PRKCQ: variants seen among roughly 807,000 people sequenced by gnomAD.
PRKCQ encodes protein kinase C theta.
Under a neutral mutation model 91.2 loss-of-function variants are expected in PRKCQ, and 41 were observed. The ratio of observed to expected loss-of-function variants is 0.45; its 90% CI spans 0.35 to 0.58. The LOEUF (loss-of-function observed/expected upper bound fraction) is 0.58, where lower values mean the gene tolerates loss of function less well. PRKCQ is among the 20% of genes least tolerant of loss of function. The probability of loss-of-function intolerance (pLI) is 0.00; values close to 1 mark genes in which losing one functional copy is unlikely to be tolerated. For missense variants in PRKCQ, 673 were observed against 896.5 expected (o/e 0.75, Z 3.18); for synonymous variants, 307 against 316.9 (o/e 0.97, Z 0.33).
At chr10:6,526,952 C>T (rs1022742852) in intron 1 of PRKCQ, among the ~76,000 whole-genome samples, 4 of 152,100 alleles carry the variant, frequency 2.6e-5, no homozygotes, top group Admixed American at 6.5e-5. Context: ...ACCCTGGCAG[C>T]GTGCAGGGAT....
chr10:6,448,622 T>C (rs4750466), intron 15 of PRKCQ, among the ~76,000 whole-genome samples: 15,953 of 152,098 alleles, frequency 0.1, 1,099 homozygotes, highest in Middle Eastern at 0.2. Flanking sequence ...TTAGCCACTA[T>C]GGTCTTGATC....
At chr10:6,492,925 C>T (rs1387872450) in intron 7 of PRKCQ, among the ~76,000 whole-genome samples, 3 of 152,196 alleles carry the variant, frequency 2.0e-5, no homozygotes, top group Admixed American at 6.5e-5. Flanking sequence ...TACTGGTCAG[C>T]GTTGGTTCTT....
chr10:6,441,357 G>T (rs1364866266), intron 16 of PRKCQ, among the ~76,000 whole-genome samples: 2 of 152,122 alleles, frequency 1.3e-5, no homozygotes, highest in Admixed American at 6.5e-5. Context: ...GGTCAGGCTG[G>T]TCTCAAACTC....
chr10:6,574,944 AC>A (rs1199827042), intron 1 of PRKCQ, among the ~76,000 whole-genome samples: 1 of 136,440 alleles, frequency 7.3e-6, no homozygotes, highest in Non-Finnish European at 1.6e-5. Context: ...TGCACATAAT[AC>A]CAAGTGTGTC....
chr10:6,525,348 C>T (rs1249073491), intron 1 of PRKCQ, among the ~76,000 whole-genome samples: 1 of 152,126 alleles, frequency 6.6e-6, no homozygotes, highest in Non-Finnish European at 1.5e-5. Flanking sequence ...GAGGCCAAGA[C>T]AGGCGGATCA....
intron 1 of PRKCQ, among the ~76,000 whole-genome samples, chr10:6,556,603 A>G (rs1840427994): frequency 6.6e-6 from 1 of 151,966 alleles, no homozygotes; most frequent in African/African-American, 2.4e-5. Context: ...AACGTTCTGG[A>G]AACAGTCATG....
chr10:6,498,186 T>A (rs1194040838), intron 5 of PRKCQ, among the ~76,000 whole-genome samples: 1 of 151,800 alleles, frequency 6.6e-6, no homozygotes, highest in Non-Finnish European at 1.5e-5. Context: ...CCCATGGGCA[T>A]TTTTCCTGAC....
At chr10:6,466,112 G>A (rs114329357) in intron 12 of PRKCQ, among the ~76,000 whole-genome samples, 1,592 of 152,392 alleles carry the variant, frequency 0.01, 29 homozygotes, top group African/African-American at 0.036. Context: ...AGAGCAAAGC[G>A]TATGAAAGTG....
intron 4 of PRKCQ, among the ~76,000 whole-genome samples, chr10:6,501,613 G>A (rs1411012736): frequency 1.3e-5 from 2 of 151,984 alleles, no homozygotes; most frequent in African/African-American, 4.8e-5. Flanking sequence ...CCTGAAGTCG[G>A]GAGTTTGAGA....
chr10:6,408,366 G>GT, the PRKCQ span, among the ~76,000 whole-genome samples: 14 of 151,586 alleles, frequency 9.2e-5, no homozygotes, highest in Non-Finnish European at 1.6e-4. Flanking sequence ...GCCACTTTTT[G>GT]TTTTTTTTGA....
intron 12 of PRKCQ, among the ~76,000 whole-genome samples, chr10:6,466,509 C>G (rs537983306): frequency 2.0e-5 from 3 of 152,190 alleles, no homozygotes; most frequent in African/African-American, 7.2e-5. Flanking sequence ...TTAACCCTCC[C>G]AAGAGAACTG....
At chr10:6,569,984 G>A (rs552235520) in intron 1 of PRKCQ, among the ~76,000 whole-genome samples, 25 of 152,020 alleles carry the variant, frequency 1.6e-4, no homozygotes, top group Admixed American at 3.3e-4. Context: ...CTCACAGGGC[G>A]GGAAAATTGA....
chr10:6,549,754 C>T (rs898372904), intron 1 of PRKCQ, among the ~76,000 whole-genome samples: 1 of 151,432 alleles, frequency 6.6e-6, no homozygotes, highest in Non-Finnish European at 1.5e-5. Context: ...CCTCAGCCTC[C>T]CGAGTAGCTG....
At chr10:6,569,551 AAGGC>A (rs1397941115) in intron 1 of PRKCQ, among the ~76,000 whole-genome samples, 6 of 152,100 alleles carry the variant, frequency 3.9e-5, no homozygotes. Context: ...TGGGTTCCAG[AAGGC>A]AGCCCATGGT....
chr10:6,560,596 G>GT (rs1448707125), intron 1 of PRKCQ, among the ~76,000 whole-genome samples: 8 of 152,022 alleles, frequency 5.3e-5, no homozygotes, highest in Non-Finnish European at 8.8e-5. Context: ...ATTTTTCTCC[G>GT]TATTCATTTT....
At chr10:6,466,023 T>C (rs1835632413) in intron 12 of PRKCQ, among the ~76,000 whole-genome samples, 1 of 152,244 alleles carries the variant, frequency 6.6e-6, no homozygotes, top group Non-Finnish European at 1.5e-5. Flanking sequence ...AGAGCTTCTG[T>C]TCTAACCTCA....
the PRKCQ span, among the ~76,000 whole-genome samples, chr10:6,406,025 G>A: frequency 6.6e-6 from 1 of 152,114 alleles, no homozygotes; most frequent in African/African-American, 2.4e-5. Context: ...AGGACATTTG[G>A]GCCATTTGTT....
At chr10:6,493,164 GAAAACCAA>G (rs1434517252) in intron 7 of PRKCQ, among the ~76,000 whole-genome samples, 3 of 152,190 alleles carry the variant, frequency 2.0e-5, no homozygotes, top group Non-Finnish European at 4.4e-5. Flanking sequence ...TTTCCAGTAT[GAAAACCAA>G]TGAGCTACAT....
At chr10:6,484,622 T>C (rs1176531419) in intron 10 of PRKCQ, among the ~76,000 whole-genome samples, 1 of 152,166 alleles carries the variant, frequency 6.6e-6, no homozygotes, top group East Asian at 1.9e-4. Context: ...AGGTTTATCT[T>C]TCATACTCTT....
Sources: gnomAD v4.1 joint callset for allele counts (sites outside exome capture counted in the v4.1 genomes callset) on GRCh38, gnomAD v4.1.1 for gene constraint, MANE v1.5 for transcripts, NCBI Gene and HGNC (gene_info 2026-07-23, HGNC 2026-07-21) for gene names.